Variants in ANKFN1 observed in about 807,000 individuals in gnomAD.
ANKFN1 encodes ankyrin repeat and fibronectin type-III domain-containing protein 1.
ANKFN1 carries 74 observed loss-of-function variants against 108.7 expected under a neutral mutation model. The ratio of observed to expected loss-of-function variants is 0.68; its 90% CI spans 0.56 to 0.83. ANKFN1 has a LOEUF of 0.83. ANKFN1 is among the 40% of genes least tolerant of loss of function. The pLI, the probability that ANKFN1 is intolerant of heterozygous loss-of-function variation, is 0.00. For missense variants in ANKFN1, 1,505 were observed against 1,382.3 expected (o/e 1.09, Z -1.41); for synonymous variants, 547 against 516.2 (o/e 1.06, Z -0.81).
intron 8 of ANKFN1, among the ~76,000 whole-genome samples, chr17:56,387,931 AC>A (rs1353093864): frequency 6.6e-6 from 1 of 151,968 alleles, no homozygotes; most frequent in Non-Finnish European, 1.5e-5. Context: ...TTTTTTGTAT[AC>A]ACATTTAATT....
intron 3 of ANKFN1, chr17:56,245,706 A>C (rs949487270): frequency 4.6e-5 from 7 of 152,186 alleles, no homozygotes; most frequent in African/African-American, 1.7e-4. Flanking sequence ...AAAATGAAGA[A>C]GAAACAGAAG....
chr17:56,049,057 C>T (rs983254706), intron 4 of ANKFN1, among the ~76,000 whole-genome samples: 1 of 152,210 alleles, frequency 6.6e-6, no homozygotes, highest in South Asian at 2.1e-4. Flanking sequence ...GAATGTCAAC[C>T]CCTATCAAAT....
chr17:56,410,427 C>T (rs1345342228), intron 8 of ANKFN1, among the ~76,000 whole-genome samples: 1 of 152,102 alleles, frequency 6.6e-6, no homozygotes, highest in Non-Finnish European at 1.5e-5. Flanking sequence ...CAAAGAATTG[C>T]ATATAGTTAT....
intron 6 of ANKFN1, among the ~76,000 whole-genome samples, chr17:56,364,985 T>A (rs2046622218): frequency 6.6e-6 from 1 of 152,170 alleles, no homozygotes; most frequent in Non-Finnish European, 1.5e-5. Context: ...GATGGATAAA[T>A]TGGAACTATG....
At chr17:56,081,508 A>G (rs1905245811) in intron 4 of ANKFN1, among the ~76,000 whole-genome samples, 1 of 152,100 alleles carries the variant, frequency 6.6e-6, no homozygotes, top group Non-Finnish European at 1.5e-5. Context: ...ACCCGCCACC[A>G]CGCCCAGGTA....
intron 4 of ANKFN1, among the ~76,000 whole-genome samples, chr17:56,061,597 A>G (rs1003818176): frequency 2.0e-5 from 3 of 152,200 alleles, no homozygotes; most frequent in African/African-American, 7.2e-5. Context: ...CTATGGGGTC[A>G]GTGGTGACAT....
At chr17:56,305,830 GCTT>G (rs2044806327) in intron 3 of ANKFN1, among the ~76,000 whole-genome samples, 1 of 152,114 alleles carries the variant, frequency 6.6e-6, no homozygotes, top group Non-Finnish European at 1.5e-5. Context: ...AAGATGTGAG[GCTT>G]AAGTTGAGGG....
chr17:56,428,393 C>G (rs1427071194), intron 8 of ANKFN1, among the ~76,000 whole-genome samples: 1 of 150,608 alleles, frequency 6.6e-6, no homozygotes, highest in African/African-American at 2.4e-5. Flanking sequence ...TACTGTTCAC[C>G]TTTTGTGACA....
chr17:56,065,785 T>C (rs1453523205), intron 4 of ANKFN1, among the ~76,000 whole-genome samples: 1 of 151,916 alleles, frequency 6.6e-6, no homozygotes, highest in East Asian at 1.9e-4. Flanking sequence ...AGATCACTGA[T>C]TGTAGGTCAC....
chr17:56,050,195 G>A lies in ANKFN1; in HGVS notation c.288+3870G>A, dbSNP rs1041597850. Reference sequence around the variant, plus strand: ...TTTGGCTGCATAAATGTCTTCTTTTGAGAAGTGTCTGTTCATGTCCTTCGC... The same window carrying A: ...TTTGGCTGCATAAATGTCTTCTTTTAAGAAGTGTCTGTTCATGTCCTTCGC... On this transcript the variant is annotated intron_variant, in intron 4 of 12. Coordinates refer to the ANKFN1 transcript ENST00000635860. Among the ~76,000 whole-genome samples, 3 of 150,656 alleles carry A rather than the reference G, an allele frequency of 2.0e-5. No homozygotes were observed. In the East Asian group the frequency reaches 5.9e-4, roughly 29 times the overall value.
chr17:56,148,513 A>C (rs1302952365), upstream of ANKFN1, among the ~76,000 whole-genome samples: 1 of 152,224 alleles, frequency 6.6e-6, no homozygotes, highest in Non-Finnish European at 1.5e-5. Flanking sequence ...AGGTGACTGC[A>C]GGTCAGATTG....
At chr17:56,134,362 A>C (rs1463107462) in intron 4 of ANKFN1, among the ~76,000 whole-genome samples, 1 of 151,818 alleles carries the variant, frequency 6.6e-6, no homozygotes, top group Non-Finnish European at 1.5e-5. Context: ...TTTATTATTC[A>C]CTCCATTTCC....
intron 11 of ANKFN1, among the ~76,000 whole-genome samples, chr17:56,456,164 A>G (rs2049686457): frequency 2.0e-5 from 3 of 152,216 alleles, no homozygotes; most frequent in Admixed American, 2.0e-4. Context: ...ACCAACATTG[A>G]GAATTGTATG....
rs187438786 is a variant in ANKFN1 at position 56,506,554 on chromosome 17, C to T, written c.2645-3919C>T. On this transcript the variant is annotated intron_variant, in intron 20 of 20. Coordinates refer to ENST00000682825, the MANE Select transcript of ANKFN1 (RefSeq NM_001370326.1). ...GCCTTGCTGACACCTTGATTTCAAA[C>T]TCTTGGCTTCCAGAGCTGTAAAAGA... 1.6e-4 allele frequency among the ~76,000 whole-genome samples: 24 copies of T among 151,982 alleles called. No individual in the cohort carries two copies. The East Asian group carries it at 4.6e-3, about 29-fold the overall frequency.
intron 3 of ANKFN1, among the ~76,000 whole-genome samples, chr17:56,275,855 AT>A (rs927025535): frequency 1.3e-5 from 2 of 152,130 alleles, no homozygotes; most frequent in African/African-American, 4.8e-5. Flanking sequence ...TCAGCACTGT[AT>A]TTTTTTATTA....
chr17:56,067,686 T>C (rs1193425457), intron 4 of ANKFN1, among the ~76,000 whole-genome samples: 1 of 152,190 alleles, frequency 6.6e-6, no homozygotes. Flanking sequence ...ACCCAATAAA[T>C]TGGGACTGAG....
At chr17:56,078,767 C>T (rs1321711767) in intron 4 of ANKFN1, among the ~76,000 whole-genome samples, 3 of 152,206 alleles carry the variant, frequency 2.0e-5, no homozygotes, top group Non-Finnish European at 2.9e-5. Context: ...CATCACTCAG[C>T]AGTGGTTCTC....
chr17:56,264,610 C>T (rs776929350), intron 3 of ANKFN1, among the ~76,000 whole-genome samples: 46 of 152,128 alleles, frequency 3.0e-4, no homozygotes, highest in African/African-American at 7.5e-4. Context: ...TCAGGAATAA[C>T]GAATAACAAG....
intron 4 of ANKFN1, among the ~76,000 whole-genome samples, chr17:56,092,895 A>G (rs1305930537): frequency 6.6e-6 from 1 of 150,972 alleles, no homozygotes; most frequent in African/African-American, 2.4e-5. Flanking sequence ...TCCAGACTCA[A>G]TGCCTGCCAA....
Sources: gnomAD v4.1 joint callset for allele counts (sites outside exome capture counted in the v4.1 genomes callset) on GRCh38, gnomAD v4.1.1 for gene constraint, MANE v1.5 for transcripts, NCBI Gene and HGNC (gene_info 2026-07-23, HGNC 2026-07-21) for gene names.